NFIB: variants seen among roughly 807,000 people sequenced by gnomAD.
NFIB encodes nuclear factor 1 B-type.
A neutral mutation model predicts 61.5 loss-of-function variants in NFIB; 11 were observed. The observed-to-expected ratio is 0.18, with a 90% confidence interval of 0.11 to 0.30. The LOEUF (loss-of-function observed/expected upper bound fraction) is 0.30. NFIB is among the 10% of genes least tolerant of loss of function. NFIB has a pLI of 1.00. For synonymous variants in NFIB, 260 were observed against 216.5 expected, an observed-to-expected ratio of 1.20 and a Z score of -1.76; for missense variants, 471 against 608.9, an observed-to-expected ratio of 0.77 and a Z score of 2.38.
intron 1 of NFIB, among the ~76,000 whole-genome samples, chr9:14,310,057 T>G (rs1362080509): frequency 6.6e-6 from 1 of 152,230 alleles, no homozygotes; most frequent in Non-Finnish European, 1.5e-5. Flanking sequence ...AACACAGTTT[T>G]GATTAAATTT....
intron 2 of NFIB, among the ~76,000 whole-genome samples, chr9:14,239,176 T>C (rs1587849758): frequency 6.6e-6 from 1 of 152,218 alleles, no homozygotes; most frequent in East Asian, 1.9e-4. Flanking sequence ...CCAAAAAGGT[T>C]TGTAGTATTT....
chr9:14,299,748 GT>G (rs2059648570), intron 2 of NFIB, among the ~76,000 whole-genome samples: 2 of 152,164 alleles, frequency 1.3e-5, no homozygotes. Flanking sequence ...GTGCTGTCCT[GT>G]TTAAGCTATC....
chr9:14,474,330 T>C, the NFIB span, among the ~76,000 whole-genome samples: 2 of 152,164 alleles, frequency 1.3e-5, no homozygotes, highest in Non-Finnish European at 1.5e-5. Flanking sequence ...GGAAGTTCTC[T>C]GGGGTCCCTT....
At chr9:14,315,042 C>T (rs1006135416), upstream of NFIB, among the ~76,000 whole-genome samples, 1 of 151,906 alleles carries the variant, frequency 6.6e-6, no homozygotes, top group Admixed American at 6.5e-5. Flanking sequence ...GCACCCGGGG[C>T]GGGCTCAGTC....
At chr9:14,395,820 GGT>G (rs548174656) in intron 1 of NFIB, among the ~76,000 whole-genome samples, 3 of 135,936 alleles carry the variant, frequency 2.2e-5, no homozygotes, top group South Asian at 2.3e-4. Flanking sequence ...GGTTGCTTCT[GGT>G]GTCCCATCTG....
In NFIB at chr9:14,349,048, C is replaced by T. The variant is rs575471744; in HGVS notation, c.109-41528G>A. Among the ~76,000 whole-genome samples, 189 of 152,366 alleles carry T rather than the reference C, an allele frequency of 1.2e-3. 1 individual carries two copies. Among genetic ancestry groups the T allele is most frequent in the African/African-American group, 4.4e-3 (182 of 41,592 alleles). ...CCACCGACGCTTGGACTCGCTGCAA[C>T]CCAGGGGCTGCCTAAAGCTCTCGCA... On this transcript the variant is annotated intron_variant, in intron 1 of 8. Transcript: ENST00000380934.
At chr9:14,099,762 T>C (rs1048760752) in intron 10 of NFIB, among the ~76,000 whole-genome samples, 3 of 152,156 alleles carry the variant, frequency 2.0e-5, no homozygotes, top group South Asian at 2.1e-4. Flanking sequence ...TGAATCAGGA[T>C]AGAAAGAGAA....
the NFIB span, among the ~76,000 whole-genome samples, chr9:14,489,419 T>C: frequency 6.6e-6 from 1 of 152,340 alleles, no homozygotes; most frequent in Non-Finnish European, 1.5e-5. Flanking sequence ...TTTGTGTGCC[T>C]TTCTTTGTAC....
chr9:14,500,622 C>T, the NFIB span, among the ~76,000 whole-genome samples: 1 of 152,156 alleles, frequency 6.6e-6, no homozygotes, highest in South Asian at 2.1e-4. Flanking sequence ...TTTAGAATCC[C>T]AGTGCCCAGT....
At chr9:14,361,279 AAAG>A (rs2061237046) in intron 1 of NFIB, 1 of 152,064 alleles carries the variant, frequency 6.6e-6, no homozygotes, top group Non-Finnish European at 1.5e-5. Context: ...AAAAAAAAAA[AAAG>A]ACTTTTGAGG....
chr9:14,312,823 T>A (rs1473534704), intron 1 of NFIB, among the ~76,000 whole-genome samples: 1 of 152,078 alleles, frequency 6.6e-6, no homozygotes, highest in Non-Finnish European at 1.5e-5. Flanking sequence ...TCCTTAACAA[T>A]CACCAAGACC....
the NFIB span, among the ~76,000 whole-genome samples, chr9:14,439,663 G>A: frequency 6.6e-6 from 1 of 152,124 alleles, no homozygotes; most frequent in Non-Finnish European, 1.5e-5. Context: ...TGAGGTTGAG[G>A]GACTGGGCTC....
At chr9:14,442,681 C>T in the NFIB span, among the ~76,000 whole-genome samples, 1 of 152,040 alleles carries the variant, frequency 6.6e-6, no homozygotes, top group African/African-American at 2.4e-5. Flanking sequence ...TGTCTGTCTC[C>T]GTGTCAGACT....
chr9:14,231,132 AAAAAT>A (rs1252640191), intron 2 of NFIB, among the ~76,000 whole-genome samples: 114 of 93,182 alleles, frequency 1.2e-3, no homozygotes, highest in African/African-American at 3.8e-3. Flanking sequence ...AAAAAAAAAA[AAAAAT>A]ATATATATAT....
chr9:14,246,624 AACTTCAGTGAGTAATTTCC>A (rs2054962014), intron 2 of NFIB, among the ~76,000 whole-genome samples: 1 of 152,202 alleles, frequency 6.6e-6, no homozygotes. Flanking sequence ...TGTAAATGAG[AACTTCAGTGAGTAATTTCC>A]AATTACTTTC....
chr9:14,206,404 A>T (rs370927334), intron 2 of NFIB, among the ~76,000 whole-genome samples: 5 of 152,030 alleles, frequency 3.3e-5, no homozygotes, highest in Non-Finnish European at 7.4e-5. Context: ...CCTGAGCTCA[A>T]GCAATCTTCC....
chr9:14,404,849 T>C, the NFIB span, among the ~76,000 whole-genome samples: 1 of 152,122 alleles, frequency 6.6e-6, no homozygotes, highest in African/African-American at 2.4e-5. Flanking sequence ...GCTGGAGGCA[T>C]TGGTGGTGCA....
At chr9:14,278,470 CAT>C (rs1446434660) in intron 2 of NFIB, among the ~76,000 whole-genome samples, 44 of 152,168 alleles carry the variant, frequency 2.9e-4, no homozygotes, top group Admixed American at 3.3e-4. Flanking sequence ...TGGTCTGAAA[CAT>C]GTGGAAATCA....
intron 2 of NFIB, among the ~76,000 whole-genome samples, chr9:14,196,476 C>G (rs940687233): frequency 8.5e-5 from 13 of 152,048 alleles, no homozygotes; most frequent in Admixed American, 7.2e-4. Context: ...AATGCTGCCA[C>G]CCCCTACTCT....
Sources: allele counts gnomAD v4.1 joint callset (sites outside exome capture counted in the v4.1 genomes callset), GRCh38; gene constraint gnomAD v4.1.1; transcripts MANE v1.5; gene names NCBI Gene and HGNC (gene_info 2026-07-23, HGNC 2026-07-21).